ADGRA3: variants seen among roughly 807,000 people sequenced by gnomAD.
The protein encoded by ADGRA3 is adhesion G protein-coupled receptor A3.
Under a neutral mutation model 119.8 loss-of-function variants are expected in ADGRA3, and 56 were observed. The ratio of observed to expected loss-of-function variants is 0.47; its 90% CI spans 0.38 to 0.58. ADGRA3 has a LOEUF of 0.58. ADGRA3 is among the 20% of genes least tolerant of loss of function. The probability of loss-of-function intolerance (pLI) is 0.00; values close to 1 mark genes in which losing one functional copy is unlikely to be tolerated. For synonymous variants in ADGRA3, 607 were observed against 623.8 expected (o/e 0.97, Z 0.40); for missense variants, 1,516 against 1,649.0 (o/e 0.92, Z 1.40).
At chr4:22,474,879 A>G (rs1423461257) in intron 1 of ADGRA3, among the ~76,000 whole-genome samples, 1 of 152,202 alleles carries the variant, frequency 6.6e-6, no homozygotes, top group Non-Finnish European at 1.5e-5. Flanking sequence ...AGTGTGAGCT[A>G]GTGTTTTTTG....
chr4:22,478,772 A>G (rs1240227971), intron 1 of ADGRA3, among the ~76,000 whole-genome samples: 1 of 152,214 alleles, frequency 6.6e-6, no homozygotes, highest in Admixed American at 6.5e-5. Context: ...TCAAGGCTCT[A>G]TGAAGATGAA....
intron 16 of ADGRA3, 131 bp from the exon 17 acceptor site, chr4:22,392,821 T>G: frequency 1.3e-6 from 1 of 743,174 alleles, no homozygotes. Context: ...TCAACTCTGT[T>G]GCCTGCTAAG....
intron 4 of ADGRA3, among the ~76,000 whole-genome samples, chr4:22,450,466 A>T (rs559072900): frequency 6.3e-4 from 96 of 152,134 alleles, no homozygotes; most frequent in African/African-American, 2.2e-3. Context: ...AGGTTTCATC[A>T]TGTTAGCCAG....
chr4:22,413,549 T>A, intron 13 of ADGRA3, 52 bp downstream of exon 13: 2 of 1,516,544 alleles, frequency 1.3e-6, no homozygotes, highest in East Asian at 2.3e-5. Flanking sequence ...AACAGTCAAC[T>A]ACAAGGCCTT....
At chr4:22,475,894 C>G (rs2109125368) in intron 1 of ADGRA3, among the ~76,000 whole-genome samples, 1 of 152,134 alleles carries the variant, frequency 6.6e-6, no homozygotes, top group East Asian at 1.9e-4. Flanking sequence ...ATTCATGTAA[C>G]CAAACACCAC....
chr4:22,485,448 T>G (rs2109140222), intron 1 of ADGRA3, among the ~76,000 whole-genome samples: 1 of 152,098 alleles, frequency 6.6e-6, no homozygotes, highest in South Asian at 2.1e-4. Context: ...TTTTTTTTCT[T>G]TAATCAGTTG....
intron 1 of ADGRA3, 75 bp downstream of exon 1, chr4:22,515,453 C>A: frequency 6.5e-7 from 1 of 1,533,722 alleles, no homozygotes; most frequent in Non-Finnish European, 8.8e-7. Flanking sequence ...GCCGGCTGGA[C>A]CCTGCTCCAA....
At chr4:22,455,905 G>T in intron 3 of ADGRA3, 1 of 917,302 alleles carries the variant, frequency 1.1e-6, no homozygotes, top group Non-Finnish European at 1.5e-6. Context: ...TTAGTTGCTA[G>T]ACTTGGAATA....
At chr4:22,449,787 C>T (rs1025965090) in intron 4 of ADGRA3, among the ~76,000 whole-genome samples, 4 of 149,600 alleles carry the variant, frequency 2.7e-5, no homozygotes, top group African/African-American at 9.9e-5. Flanking sequence ...GCGGAGGTGA[C>T]AGTGAACCAA....
chr4:22,441,810 T>C (rs1051306238), intron 7 of ADGRA3, among the ~76,000 whole-genome samples: 5 of 152,234 alleles, frequency 3.3e-5, no homozygotes, highest in Non-Finnish European at 7.3e-5. Context: ...AATGAAAATA[T>C]GCTTCTAGTA....
At chr4:22,511,625 G>A (rs1289739590) in intron 1 of ADGRA3, among the ~76,000 whole-genome samples, 2 of 151,918 alleles carry the variant, frequency 1.3e-5, no homozygotes, top group African/African-American at 4.8e-5. Flanking sequence ...GCCACATCAC[G>A]ACTCAGCTGA....
At chr4:22,398,370 G>C (rs972925087) in intron 16 of ADGRA3, among the ~76,000 whole-genome samples, 1 of 152,028 alleles carries the variant, frequency 6.6e-6, no homozygotes, top group Non-Finnish European at 1.5e-5. Flanking sequence ...TCTAATGAGT[G>C]GGCCCAGCAC....
At chr4:22,458,694 C>G (rs1451975011) in intron 3 of ADGRA3, among the ~76,000 whole-genome samples, 1 of 152,134 alleles carries the variant, frequency 6.6e-6, no homozygotes, top group Non-Finnish European at 1.5e-5. Context: ...CTGGCTTGGT[C>G]CCATGCAATC....
intron 13 of ADGRA3, 39 bp downstream of exon 13, chr4:22,413,562 T>C (rs758658591): frequency 6.4e-7 from 1 of 1,560,644 alleles, no homozygotes; most frequent in Non-Finnish European, 8.8e-7. Context: ...AAGGCCTTAT[T>C]GTCCACTGAC....
At chr4:22,474,769 T>G (rs1717979390) in intron 1 of ADGRA3, among the ~76,000 whole-genome samples, 1 of 152,014 alleles carries the variant, frequency 6.6e-6, no homozygotes, top group African/African-American at 2.4e-5. Flanking sequence ...CAACATACAC[T>G]AATGTTGGTC....
intron 1 of ADGRA3, among the ~76,000 whole-genome samples, chr4:22,480,306 T>A (rs1469078837): frequency 6.6e-6 from 1 of 152,058 alleles, no homozygotes; most frequent in Non-Finnish European, 1.5e-5. Context: ...CAAATAACTT[T>A]TCACAGTGGG....
At chr4:22,461,880 T>G in intron 2 of ADGRA3, 72 bp from the exon 3 acceptor site, 1 of 930,024 alleles carries the variant, frequency 1.1e-6, no homozygotes, top group Admixed American at 2.3e-5. Flanking sequence ...TACACTTACC[T>G]GCTATACAAA....
chr4:22,443,965 T>TC (rs541875121), intron 6 of ADGRA3, among the ~76,000 whole-genome samples: 1 of 152,140 alleles, frequency 6.6e-6, no homozygotes, highest in Non-Finnish European at 1.5e-5. Flanking sequence ...AACTGGGACC[T>TC]CCCCCCATCA....
At chr4:22,433,486 A>G (rs1310905456) in intron 10 of ADGRA3, among the ~76,000 whole-genome samples, 2 of 152,190 alleles carry the variant, frequency 1.3e-5, no homozygotes, top group South Asian at 2.1e-4. Context: ...CCCATGGTTA[A>G]TTAATAACTA....
Sources: allele counts gnomAD v4.1 joint callset (sites outside exome capture counted in the v4.1 genomes callset), GRCh38; gene constraint gnomAD v4.1.1; transcripts MANE v1.5; gene names NCBI Gene and HGNC (gene_info 2026-07-23, HGNC 2026-07-21).